ANKRD17: variants seen among roughly 807,000 people sequenced by gnomAD.
ANKRD17 encodes the protein ankyrin repeat domain-containing protein 17.
ANKRD17 carries 19 observed loss-of-function variants against 229.7 expected under a neutral mutation model. The observed-to-expected ratio is 0.08, with a 90% CI of 0.06 to 0.12. The LOEUF (loss-of-function observed/expected upper bound fraction) is 0.12. Ranked by LOEUF, ANKRD17 falls within the 10% of genes least tolerant of loss-of-function variation. ANKRD17 has a pLI of 1.00. For synonymous variants in ANKRD17, 1,112 were observed against 1,146.1 expected, an observed-to-expected ratio of 0.97 and a Z score of 0.60; for missense variants, 2,176 against 3,176.8, an observed-to-expected ratio of 0.68 and a Z score of 7.57.
At chr4:73,222,630 T>C (rs1742006214) in intron 1 of ANKRD17, among the ~76,000 whole-genome samples, 1 of 152,204 alleles carries the variant, frequency 6.6e-6, no homozygotes, top group Non-Finnish European at 1.5e-5. Context: ...TACTAAACCT[T>C]ACTCAAAGCT....
At chr4:73,198,639 T>A (rs1738218824) in intron 1 of ANKRD17, among the ~76,000 whole-genome samples, 2 of 152,156 alleles carry the variant, frequency 1.3e-5, no homozygotes, top group Admixed American at 6.5e-5. Context: ...CAGTCTAGTA[T>A]GAGAGCAAAA....
chr4:73,124,795 A>G (rs1461084202), intron 18 of ANKRD17, 118 bp downstream of exon 18: 4 of 1,247,890 alleles, frequency 3.2e-6, no homozygotes, highest in Non-Finnish European at 4.4e-6. Context: ...TAATAGTTTC[A>G]GTTATTGTGA....
chr4:73,215,328 C>T (rs754174171), intron 1 of ANKRD17, among the ~76,000 whole-genome samples: 3 of 151,558 alleles, frequency 2.0e-5, no homozygotes, highest in Non-Finnish European at 2.9e-5. Flanking sequence ...GGTGCTATCT[C>T]GGCTCACTGC....
intron 28 of ANKRD17, among the ~76,000 whole-genome samples, chr4:73,093,759 G>A (rs1417793252): frequency 1.3e-5 from 2 of 152,164 alleles, no homozygotes; most frequent in African/African-American, 4.8e-5. Context: ...TGCTTAAAAT[G>A]TTAGAAATGC....
chr4:73,151,593 T>A (rs1731005770), intron 6 of ANKRD17, 69 bp from the exon 7 acceptor site: 1 of 1,198,704 alleles, frequency 8.3e-7, no homozygotes, highest in Non-Finnish European at 1.1e-6. Flanking sequence ...AAAATTATAA[T>A]ATTTTGAAAA....
intron 3 of ANKRD17, among the ~76,000 whole-genome samples, chr4:73,157,533 G>T (rs145360059): frequency 6.6e-6 from 1 of 151,992 alleles, no homozygotes; most frequent in Admixed American, 6.6e-5. Flanking sequence ...TAAATCCAGG[G>T]CTATTAATAT....
At chr4:73,244,740 G>A (rs1263005282) in intron 1 of ANKRD17, among the ~76,000 whole-genome samples, 2 of 152,078 alleles carry the variant, frequency 1.3e-5, no homozygotes, top group East Asian at 3.9e-4. Flanking sequence ...GAAATGACAC[G>A]CTGCTCTAAC....
chr4:73,207,024 A>G (rs188745335), intron 1 of ANKRD17, among the ~76,000 whole-genome samples: 2 of 152,234 alleles, frequency 1.3e-5, no homozygotes, highest in South Asian at 4.1e-4. Flanking sequence ...GGGTTTCGCC[A>G]TGTTGGCCAG....
chr4:73,078,870 A>G lies in ANKRD17; in HGVS notation c.7180T>C (p.Ser2394Pro), dbSNP rs1464568593. Reference protein sequence around the residue: ...ASNDSSAQSVSSGVRAPSPAP... With the variant: ...ASNDSSAQSVPSGVRAPSPAP... ...GGAGATGGTGCACGAACTCCCGAGG[A>G]TACTGACTGTGCAGAAGAATCTAGA... Residue 2394 changes from serine (S) to proline (P), a missense_variant, in exon 31 of 34, where the codon TCC becomes CCC. Around this residue, in one of 18 missense-constraint regions of ANKRD17, gnomAD observed 87 missense variants for 116.0 expected, o/e 0.75. Coordinates refer to ENST00000358602, the MANE Select transcript of ANKRD17 (RefSeq NM_032217.5). The G allele has an allele frequency of 2.5e-6, 4 of 1,614,184 alleles. No individual in the cohort carries two copies. The highest frequency in any genetic ancestry group is 3.4e-6 in the Non-Finnish European group (4 of 1,180,034).
chr4:73,158,949 C>T lies in ANKRD17; in HGVS notation c.704+2243G>A, dbSNP rs184667490. Among the ~76,000 whole-genome samples, 265 of 152,318 alleles carry T rather than the reference C, an allele frequency of 1.7e-3. 1 individual carries two copies. The highest frequency in any genetic ancestry group is 2.9e-3 in the Non-Finnish European group (196 of 68,028). On this transcript the variant is annotated intron_variant, in intron 3 of 33. Transcript: ENST00000358602. ...CCTCCATAATTGTAAGAAATAAATTCCTTTTCTTGCCCAGTTTCAGGAATC... is the reference window on the plus strand; with the variant it reads ...CCTCCATAATTGTAAGAAATAAATTTCTTTTCTTGCCCAGTTTCAGGAATC...
chr4:73,234,817 G>T (rs1035676170), intron 1 of ANKRD17, among the ~76,000 whole-genome samples: 1 of 152,166 alleles, frequency 6.6e-6, no homozygotes, highest in Admixed American at 6.5e-5. Context: ...AGTTGTTTAG[G>T]CTGGAGAAAG....
intron 16 of ANKRD17, among the ~76,000 whole-genome samples, chr4:73,125,745 A>AAAAAGAAAAG (rs71215488): frequency 1.9e-4 from 27 of 144,414 alleles, no homozygotes; most frequent in Non-Finnish European, 3.9e-4. Flanking sequence ...AAAAAAAAAA[A>AAAAAGAAAAG]AAAAGAAAAG....
chr4:73,208,050 G>T (rs1350718585), intron 1 of ANKRD17, among the ~76,000 whole-genome samples: 2 of 152,026 alleles, frequency 1.3e-5, no homozygotes, highest in Non-Finnish European at 2.9e-5. Flanking sequence ...TTCTCCAGGC[G>T]TGGTGGTGGG....
intron 1 of ANKRD17, among the ~76,000 whole-genome samples, chr4:73,191,430 CTAAG>C (rs1737091683): frequency 7.7e-6 from 1 of 129,212 alleles, no homozygotes; most frequent in Non-Finnish European, 1.6e-5. Context: ...ATAAATAAAA[CTAAG>C]TAGTAGAAGA....
intron 25 of ANKRD17, chr4:73,101,234 C>A (rs1241692080): frequency 3.6e-5 from 35 of 972,294 alleles, no homozygotes; most frequent in Non-Finnish European, 4.0e-5. Flanking sequence ...TTGATTATAA[C>A]CTAGTTAAAA....
chr4:73,158,189 A>AAAGAAAGAAAGAAAGG (rs1553925341), intron 3 of ANKRD17, among the ~76,000 whole-genome samples: 2 of 42,626 alleles, frequency 4.7e-5, no homozygotes, highest in Admixed American at 2.2e-4. Context: ...AGAAAGAAAG[A>AAAGAAAGAAAGAAAGG]GAGAGAAAGA....
At chr4:73,126,898 A>G (rs533620669) in intron 16 of ANKRD17, among the ~76,000 whole-genome samples, 1 of 152,300 alleles carries the variant, frequency 6.6e-6, no homozygotes, top group South Asian at 2.1e-4. Flanking sequence ...ACGCCCAGCT[A>G]GATACCTTTT....
intron 18 of ANKRD17, among the ~76,000 whole-genome samples, chr4:73,122,336 C>T (rs970934097): frequency 6.6e-6 from 1 of 152,128 alleles, no homozygotes; most frequent in Non-Finnish European, 1.5e-5. Context: ...GTACTATGTA[C>T]ACTCCCTTCA....
rs570716320 is a variant in ANKRD17, at chr4:73,204,266, C to A, written c.394-26733G>T. 6.4e-5 allele frequency among the ~76,000 whole-genome samples: 9 copies of A among 140,968 alleles called. No individual in the cohort carries two copies. In the South Asian group the frequency reaches 2.2e-3, roughly 34 times the overall value. 92.5% of individuals were successfully genotyped at this position (140,968 alleles called of 152,430 possible). On this transcript the variant is annotated intron_variant, in intron 1 of 33. Coordinates refer to ENST00000358602, the MANE Select transcript of ANKRD17 (RefSeq NM_032217.5). ...GTCCCAGCTACTCAAGAGGCTGAGGCGGGAGAATGGCGTGAACCCGAGAGG... is the reference window on the plus strand; with the variant it reads ...GTCCCAGCTACTCAAGAGGCTGAGGAGGGAGAATGGCGTGAACCCGAGAGG...
Sources: allele counts gnomAD v4.1 joint callset (sites outside exome capture counted in the v4.1 genomes callset), GRCh38; gene constraint gnomAD v4.1.1; regional missense constraint gnomAD v4.1.1; transcripts MANE v1.5; gene names NCBI Gene and HGNC (gene_info 2026-07-23, HGNC 2026-07-21).